The following HECTD2 variants were observed in gnomAD, a reference collection of about 807,000 sequenced individuals.
HECTD2 encodes the protein probable E3 ubiquitin-protein ligase HECTD2.
HECTD2 carries 35 observed loss-of-function variants against 103.2 expected under a neutral mutation model. That is an observed-to-expected ratio of 0.34 (90% confidence interval 0.26 to 0.45). The LOEUF (loss-of-function observed/expected upper bound fraction) is 0.45, where lower values mean the gene tolerates loss of function less well. Among genes scored for constraint, HECTD2 ranks in the 20% least tolerant of loss-of-function variants. The probability of loss-of-function intolerance (pLI) is 1.00; values close to 1 mark genes in which losing one functional copy is unlikely to be tolerated. For synonymous variants in HECTD2, 281 were observed against 329.9 expected (o/e 0.85, Z 1.61); for missense variants, 596 against 937.4 (o/e 0.64, Z 4.76).
chr10:91,469,890 C>G (rs1413452788), intron 5 of HECTD2, among the ~76,000 whole-genome samples: 1 of 152,004 alleles, frequency 6.6e-6, no homozygotes, highest in Non-Finnish European at 1.5e-5. Context: ...CTAGCAAGAA[C>G]AATAGAAAAG....
chr10:91,480,820 C>T (rs573453389), intron 6 of HECTD2, among the ~76,000 whole-genome samples: 1 of 151,970 alleles, frequency 6.6e-6, no homozygotes, highest in Non-Finnish European at 1.5e-5. Flanking sequence ...TTTTATTACA[C>T]ACCTAACTAC....
At chr10:91,467,837 C>A (rs1157502358) in intron 5 of HECTD2, among the ~76,000 whole-genome samples, 1 of 152,096 alleles carries the variant, frequency 6.6e-6, no homozygotes, top group African/African-American at 2.4e-5. Context: ...CCAATCATGC[C>A]ACCATTGCTG....
chr10:91,449,732 C>T (rs1278729715), intron 2 of HECTD2, among the ~76,000 whole-genome samples: 1 of 151,428 alleles, frequency 6.6e-6, no homozygotes, highest in African/African-American at 2.4e-5. Flanking sequence ...CACAAGCATT[C>T]CTATACACAA....
At chr10:91,426,766 A>C (rs1216251150) in intron 2 of HECTD2, among the ~76,000 whole-genome samples, 3 of 151,820 alleles carry the variant, frequency 2.0e-5, no homozygotes, top group Non-Finnish European at 4.4e-5. Flanking sequence ...TGGTCCACTT[A>C]TTTGAGCTTC....
intron 4 of HECTD2, among the ~76,000 whole-genome samples, chr10:91,461,808 C>T (rs1845361655): frequency 6.6e-6 from 1 of 152,148 alleles, no homozygotes; most frequent in South Asian, 2.1e-4. Context: ...GTCAGCCTCC[C>T]AAAGTTGCTG....
intron 18 of HECTD2, among the ~76,000 whole-genome samples, chr10:91,499,474 TGTAGCTCCAGG>T (rs1002247702): frequency 6.6e-6 from 1 of 152,136 alleles, no homozygotes; most frequent in Non-Finnish European, 1.5e-5. Context: ...GCAGTTAACA[TGTAGCTCCAGG>T]GTAAAAGTTA....
intron 5 of HECTD2, among the ~76,000 whole-genome samples, chr10:91,467,826 C>T (rs980638518): frequency 6.6e-6 from 1 of 152,100 alleles, no homozygotes; most frequent in South Asian, 2.1e-4. Flanking sequence ...CATGTGGGCA[C>T]CCAATCATGC....
At chr10:91,462,906 G>A in intron 5 of HECTD2, 1 of 274,242 alleles carries the variant, frequency 3.6e-6, no homozygotes, top group Non-Finnish European at 5.6e-6. Context: ...GTAATGTTTT[G>A]TAGTTTTCTG....
chr10:91,488,743 C>G (rs1039310171), intron 11 of HECTD2: 1 of 152,014 alleles, frequency 6.6e-6, no homozygotes, highest in Non-Finnish European at 1.5e-5. Context: ...CAGAGAAGGA[C>G]AAAAGATTTG....
chr10:91,450,070 A>G (rs1314693701), intron 2 of HECTD2, among the ~76,000 whole-genome samples: 1 of 152,196 alleles, frequency 6.6e-6, no homozygotes, highest in Non-Finnish European at 1.5e-5. Context: ...CATATAGTCA[A>G]GACAATCCTA....
At chr10:91,428,832 A>G (rs1251339745) in intron 2 of HECTD2, among the ~76,000 whole-genome samples, 1 of 152,032 alleles carries the variant, frequency 6.6e-6, no homozygotes, top group Non-Finnish European at 1.5e-5. Context: ...AACAGGGACA[A>G]TTCGACTTCC....
rs558092661 is a variant in HECTD2 at position 91,510,221 on chromosome 10, G to A, written c.2211-2043G>A. On this transcript the variant is annotated intron_variant, in intron 20 of 20. Coordinates refer to ENST00000298068, the MANE Select transcript of HECTD2 (RefSeq NM_182765.6). ...TCCCCTAAAAGGGCATGAATCCTTG[G>A]CAATATTTTGTGGTTATCCTGATTC... Among the ~76,000 whole-genome samples, 14 of 152,266 alleles carry A rather than the reference G, an allele frequency of 9.2e-5. 1 individual carries two copies. The East Asian group carries it at 2.7e-3, about 29-fold the overall frequency.
chr10:91,507,183 A>C (rs1472441271), intron 20 of HECTD2, among the ~76,000 whole-genome samples: 2 of 150,750 alleles, frequency 1.3e-5, no homozygotes, highest in African/African-American at 4.9e-5. Flanking sequence ...GAATGGGCAA[A>C]AACTGGAAGC....
At chr10:91,503,648 G>T (rs59198703) in intron 20 of HECTD2, among the ~76,000 whole-genome samples, 20,654 of 152,186 alleles carry the variant, frequency 0.14, 3,180 homozygotes, top group African/African-American at 0.38. Context: ...TCTCGCTGAT[G>T]GCTAGCGCAG....
intron 20 of HECTD2, among the ~76,000 whole-genome samples, chr10:91,506,804 G>T (rs1049175023): frequency 2.0e-5 from 3 of 151,604 alleles, no homozygotes; most frequent in African/African-American, 7.3e-5. Flanking sequence ...TACCAAAGCC[G>T]GGCAGAGACA....
At chr10:91,462,242 A>C in intron 5 of HECTD2, 58 bp downstream of exon 5, 1 of 1,467,620 alleles carries the variant, frequency 6.8e-7, no homozygotes, top group Non-Finnish European at 9.1e-7. Context: ...TATCAAAAGC[A>C]GCCATACAAA....
rs978476838 is a variant in HECTD2, at chr10:91,473,586, G to A, written c.601-4615G>A. On this transcript the variant is annotated intron_variant, in intron 5 of 20. Coordinates refer to ENST00000298068, the MANE Select transcript of HECTD2 (RefSeq NM_182765.6). ...TTCACTCACACACAGATTTTATTCC[G>A]CCTCTGCCATGTCTGAGACAGGAAG... Among the ~76,000 whole-genome samples, 15 of 152,098 alleles carry A rather than the reference G, an allele frequency of 9.9e-5. No homozygotes were observed. In the South Asian group the frequency reaches 1.2e-3, roughly 13 times the overall value.
chr10:91,437,198 G>A (rs960442158), intron 2 of HECTD2, among the ~76,000 whole-genome samples: 7 of 151,944 alleles, frequency 4.6e-5, no homozygotes, highest in African/African-American at 1.4e-4. Context: ...AGTGGGGAAA[G>A]CTCATCTTGG....
chr10:91,465,787 T>C (rs1035359438), intron 5 of HECTD2, among the ~76,000 whole-genome samples: 6 of 152,156 alleles, frequency 3.9e-5, no homozygotes, highest in African/African-American at 1.4e-4. Context: ...TAAATCACAC[T>C]TGGTTGTGTT....
Sources: allele counts gnomAD v4.1 joint callset (sites outside exome capture counted in the v4.1 genomes callset), GRCh38; gene constraint gnomAD v4.1.1; transcripts MANE v1.5; gene names NCBI Gene and HGNC (gene_info 2026-07-23, HGNC 2026-07-21).